FILIP1L: variants seen among roughly 807,000 people sequenced by gnomAD.
FILIP1L encodes the protein filamin A interacting protein 1 like, also known as filamin A-interacting protein 1-like.
FILIP1L carries 55 observed loss-of-function variants against 96.6 expected under a neutral mutation model. The observed-to-expected ratio is 0.57, with a 90% CI of 0.46 to 0.71. FILIP1L has a LOEUF of 0.71. Among genes scored for constraint, FILIP1L ranks in the 30% least tolerant of loss-of-function variants. The probability of loss-of-function intolerance (pLI) is 0.00; values close to 1 mark genes in which losing one functional copy is unlikely to be tolerated. For missense variants in FILIP1L, 1,304 were observed against 1,321.2 expected (o/e 0.99, Z 0.20); for synonymous variants, 467 against 473.9 (o/e 0.99, Z 0.19).
chr3:99,911,834 TC>T (rs1706799195), intron 4 of FILIP1L, among the ~76,000 whole-genome samples: 1 of 152,180 alleles, frequency 6.6e-6, no homozygotes, highest in Non-Finnish European at 1.5e-5. Flanking sequence ...TATTTTTTTT[TC>T]CTAGTTCCTA....
At chr3:99,843,166 A>G (rs1943208944) in intron 5 of FILIP1L, among the ~76,000 whole-genome samples, 1 of 152,202 alleles carries the variant, frequency 6.6e-6, no homozygotes, top group African/African-American at 2.4e-5. Flanking sequence ...GTTTTGGTTC[A>G]TCTAACTGCC....
chr3:100,018,155 G>A (rs1001116678), intron 1 of FILIP1L, among the ~76,000 whole-genome samples: 4 of 152,012 alleles, frequency 2.6e-5, no homozygotes, highest in Non-Finnish European at 2.9e-5. Flanking sequence ...GTGAAATCTC[G>A]TCTCTATTAA....
chr3:99,876,025 T>C (rs1187049677), intron 4 of FILIP1L: 3 of 984,422 alleles, frequency 3.0e-6, no homozygotes, highest in Non-Finnish European at 3.6e-6. Flanking sequence ...CCTGGCTGTC[T>C]GACAGCAGTG....
At chr3:99,964,133 T>TA (rs1291822636) in intron 1 of FILIP1L, among the ~76,000 whole-genome samples, 2 of 151,922 alleles carry the variant, frequency 1.3e-5, no homozygotes, top group Admixed American at 1.3e-4. Flanking sequence ...CCTATAGACT[T>TA]ATATGCTCAG....
intron 4 of FILIP1L, among the ~76,000 whole-genome samples, chr3:99,869,370 C>T (rs1944674556): frequency 6.6e-6 from 1 of 152,166 alleles, no homozygotes; most frequent in Admixed American, 6.5e-5. Context: ...GGCAAAGTTA[C>T]TCTCACTTTT....
intron 1 of FILIP1L, among the ~76,000 whole-genome samples, chr3:100,061,225 CA>C (rs2107344759): frequency 6.6e-6 from 1 of 151,756 alleles, no homozygotes; most frequent in South Asian, 2.1e-4. Context: ...CCTAAAATAC[CA>C]AAAACAAGTG....
At chr3:100,030,101 C>T (rs145090643) in intron 1 of FILIP1L, among the ~76,000 whole-genome samples, 259 of 152,202 alleles carry the variant, frequency 1.7e-3, no homozygotes, top group African/African-American at 5.8e-3. Flanking sequence ...GATAAGGAAA[C>T]GGAGACCCAA....
chr3:100,046,963 G>A (rs544408475), intron 1 of FILIP1L, among the ~76,000 whole-genome samples: 15 of 152,292 alleles, frequency 9.8e-5, no homozygotes, highest in African/African-American at 3.6e-4. Flanking sequence ...CTAAATCATG[G>A]AGAAAGAGGC....
intron 1 of FILIP1L, among the ~76,000 whole-genome samples, chr3:99,961,071 C>G (rs1163588283): frequency 6.6e-6 from 1 of 152,194 alleles, no homozygotes; most frequent in Non-Finnish European, 1.5e-5. Flanking sequence ...CCTTGAGTCC[C>G]TCTGGATTAT....
intron 1 of FILIP1L, among the ~76,000 whole-genome samples, chr3:100,055,234 C>T (rs1259586038): frequency 1.3e-5 from 2 of 152,186 alleles, no homozygotes; most frequent in Non-Finnish European, 2.9e-5. Context: ...ACAAGAGTAT[C>T]ATCTCAAGCA....
chr3:99,945,160 A>G (rs1420386628), intron 1 of FILIP1L, among the ~76,000 whole-genome samples: 6 of 152,276 alleles, frequency 3.9e-5, no homozygotes, highest in South Asian at 2.1e-4. Flanking sequence ...ACTAGACCCT[A>G]TGAGTTCGGG....
At chr3:100,029,060 C>T (rs1164278305) in intron 1 of FILIP1L, among the ~76,000 whole-genome samples, 5 of 152,030 alleles carry the variant, frequency 3.3e-5, no homozygotes, top group Non-Finnish European at 7.4e-5. Context: ...AATGGTGGTG[C>T]ATGCCTATTG....
At chr3:99,863,250 G>A (rs1489195753) in intron 4 of FILIP1L, among the ~76,000 whole-genome samples, 2 of 152,186 alleles carry the variant, frequency 1.3e-5, no homozygotes, top group African/African-American at 4.8e-5. Context: ...ACACTCCTAT[G>A]AGAACCTAAT....
At chr3:100,057,919 A>G (rs571008749) in intron 1 of FILIP1L, among the ~76,000 whole-genome samples, 1 of 152,238 alleles carries the variant, frequency 6.6e-6, no homozygotes, top group African/African-American at 2.4e-5. Context: ...CTTTTACCCA[A>G]CTAACTGACT....
At chr3:99,898,370 C>G (rs1706327057) in intron 4 of FILIP1L, 1 of 152,118 alleles carries the variant, frequency 6.6e-6, no homozygotes, top group African/African-American at 2.4e-5. Context: ...TCTTTTCATT[C>G]CATTATAAAT....
At chr3:100,046,631 A>G (rs1467992728) in intron 1 of FILIP1L, among the ~76,000 whole-genome samples, 1 of 152,132 alleles carries the variant, frequency 6.6e-6, no homozygotes, top group African/African-American at 2.4e-5. Flanking sequence ...ATTACAGGGA[A>G]TGACCTGGCC....
intron 4 of FILIP1L, among the ~76,000 whole-genome samples, chr3:99,904,364 G>A (rs1282682351): frequency 6.6e-6 from 1 of 152,162 alleles, no homozygotes; most frequent in Non-Finnish European, 1.5e-5. Flanking sequence ...ACCATTTTCA[G>A]TAGTAGAATC....
intron 4 of FILIP1L, among the ~76,000 whole-genome samples, chr3:99,874,022 A>G (rs983068124): frequency 4.6e-5 from 7 of 152,246 alleles, no homozygotes; most frequent in Non-Finnish European, 1.0e-4. Flanking sequence ...CCAGTGTGAG[A>G]TAGGGTATCC....
intron 1 of FILIP1L, among the ~76,000 whole-genome samples, chr3:100,074,335 C>G (rs2065812343): frequency 1.3e-5 from 2 of 152,170 alleles, no homozygotes; most frequent in African/African-American, 2.4e-5. Context: ...TGGGAACAGA[C>G]AAGATGTCAA....
Sources: gnomAD v4.1 joint callset for allele counts (sites outside exome capture counted in the v4.1 genomes callset) on GRCh38, gnomAD v4.1.1 for gene constraint, MANE v1.5 for transcripts, NCBI Gene and HGNC (gene_info 2026-07-23, HGNC 2026-07-21) for gene names.